FAM124A: variants seen among roughly 807,000 people sequenced by gnomAD.
FAM124A encodes the protein protein FAM124A.
FAM124A carries 23 observed loss-of-function variants against 24.5 expected under a neutral mutation model. That is an observed-to-expected ratio of 0.94 (90% CI 0.68 to 1.33). The LOEUF is 1.33. Ranked by LOEUF, FAM124A falls within the 40% of genes most tolerant of loss-of-function variation. FAM124A has a pLI of 0.00. For synonymous variants in FAM124A, 287 were observed against 314.7 expected (o/e 0.91, Z 0.93); for missense variants, 623 against 722.8 (o/e 0.86, Z 1.58).
chr13:51,253,502 T>A (rs534586673), intron 3 of FAM124A: 2 of 152,322 alleles, frequency 1.3e-5, no homozygotes, highest in South Asian at 4.1e-4. Context: ...GTGAGAAAAA[T>A]TGTCTCTGTG....
In FAM124A at chr13:51,251,507, T is replaced by G; in HGVS notation, c.140T>G (p.Val47Gly). 2.0e-6 allele frequency: 3 copies of G among 1,510,878 alleles called. No individual in the cohort carries two copies. The highest frequency in any genetic ancestry group is 2.7e-6 in the Non-Finnish European group (3 of 1,129,020). 93.6% of individuals were successfully genotyped at this position (1,510,878 alleles called of 1,614,324 possible). The change falls in exon 3 of 4, where the codon GTC (valine) becomes GGC (glycine). Residue 47 changes from valine to glycine, a missense_variant. Physicochemically the swap from Val to Gly is moderately radical, Grantham distance 109. Transcript: ENST00000322475. This position sits in a 1 kb window ranked among gnomAD's most constrained non-coding sequence, Gnocchi z 5.3. Reference protein sequence around the residue: ...SVEEAQDPFLVSIHIIADPGE... With the variant: ...SVEEAQDPFLGSIHIIADPGE... Reference sequence around the variant, plus strand: ...GAAGAGGCGCAGGACCCTTTCCTGGTCAGCATCCACATAATCGCAGACCCA... The same window carrying G: ...GAAGAGGCGCAGGACCCTTTCCTGGGCAGCATCCACATAATCGCAGACCCA...
chr13:51,263,090 A>G (rs766544391), intron 3 of FAM124A, among the ~76,000 whole-genome samples: 4 of 152,178 alleles, frequency 2.6e-5, no homozygotes, highest in Non-Finnish European at 4.4e-5. Context: ...TCACTCTGAC[A>G]TCTCCCTGTG....
In FAM124A at chr13:51,283,076, C is replaced by T. The variant is rs984285561; in HGVS notation, c.*1820C>T. 3 of 151,986 alleles carry T rather than the reference C, an allele frequency of 2.0e-5. No individual in the cohort carries two copies. The highest frequency in any genetic ancestry group is 7.3e-5 in the African/African-American group (3 of 41,370). The allele number at this position is 151,986 out of a possible 1,614,324, so 9.4% of individuals were successfully genotyped here. ...TTTTTATTTGAGACGGGGTCTTGCT[C>T]TGTTGCCCAGGCTGGAGTGCAATGG... On this transcript the variant is annotated 3_prime_UTR_variant, in exon 4 of 4. Coordinates refer to ENST00000322475, the MANE Select transcript of FAM124A (RefSeq NM_001242312.2).
At chr13:51,242,025 A>G (rs1267642746) in intron 2 of FAM124A, among the ~76,000 whole-genome samples, 1 of 152,212 alleles carries the variant, frequency 6.6e-6, no homozygotes, top group Admixed American at 6.5e-5. Flanking sequence ...AGAGGCCTGG[A>G]GTTTCCTGAT....
At chr13:51,231,303 C>T (rs376112621) in intron 1 of FAM124A, 45 bp from the exon 2 acceptor site, 347 of 1,611,066 alleles carry the variant, frequency 2.2e-4, no homozygotes, top group Non-Finnish European at 2.9e-4. Flanking sequence ...TTGAATAAAT[C>T]ATTTGGATAA....
At position 51,277,116 on chromosome 13, in the gene FAM124A, G is replaced by A. The variant is rs182677029; in HGVS notation, c.835-3334G>A. ...AGTGGATGACTGGAAAAAAAAATGCGGTATATATAGCATGGAATACTCCTT... is the reference window on the plus strand; with the variant it reads ...AGTGGATGACTGGAAAAAAAAATGCAGTATATATAGCATGGAATACTCCTT... On this transcript the variant is annotated intron_variant, in intron 3 of 3. Transcript: ENST00000322475. Among the ~76,000 whole-genome samples the A allele has an allele frequency of 2.0e-3, 307 of 152,066 alleles. 1 individual carries two copies. The highest frequency in any genetic ancestry group is 6.5e-3 in the African/African-American group (270 of 41,456).
chr13:51,229,027 A>T (rs957111361), intron 1 of FAM124A, among the ~76,000 whole-genome samples: 1 of 152,216 alleles, frequency 6.6e-6, no homozygotes, highest in Non-Finnish European at 1.5e-5. Flanking sequence ...TGATGGTATC[A>T]AGTGAAAAGA....
At chr13:51,244,028 C>G (rs991088363) in intron 2 of FAM124A, among the ~76,000 whole-genome samples, 27 of 152,304 alleles carry the variant, frequency 1.8e-4, no homozygotes, top group African/African-American at 6.5e-4. Context: ...TTTATTCAAC[C>G]TTATGCAGCT....
chr13:51,228,211 A>G (rs1954336778), intron 1 of FAM124A, among the ~76,000 whole-genome samples: 1 of 152,168 alleles, frequency 6.6e-6, no homozygotes, highest in Non-Finnish European at 1.5e-5. Flanking sequence ...TGTAGTATAT[A>G]TATATATGTA....
At chr13:51,264,313 T>C (rs1954764463) in intron 3 of FAM124A, among the ~76,000 whole-genome samples, 1 of 152,234 alleles carries the variant, frequency 6.6e-6, no homozygotes, top group Admixed American at 6.5e-5. Context: ...CATGTTTCCA[T>C]TATCCTGTAG....
chr13:51,244,769 C>T (rs961260039), intron 2 of FAM124A, among the ~76,000 whole-genome samples: 1 of 152,140 alleles, frequency 6.6e-6, no homozygotes, highest in Non-Finnish European at 1.5e-5. Flanking sequence ...GTCCAGCACC[C>T]GGAAGTCTGT....
rs916222491 is a variant in FAM124A at position 51,258,505 on chromosome 13, T to A, written c.834+6304T>A. On this transcript the variant is annotated intron_variant, in intron 3 of 3. Coordinates refer to ENST00000322475, the MANE Select transcript of FAM124A (RefSeq NM_001242312.2). The surrounding 1 kb of genome is among the most constrained non-coding windows in gnomAD (Gnocchi z 4.2). ...CCTCTTCAGACTCTAATGTCTGGGT[T>A]ATTGGGCAGCCCCTTATGCCAGGCT... 2.0e-5 allele frequency among the ~76,000 whole-genome samples: 3 copies of A among 152,178 alleles called. No homozygotes were observed. Among genetic ancestry groups the A allele is most frequent in the African/African-American group, 7.2e-5 (3 of 41,442 alleles).
chr13:51,262,185 C>T (rs1055092184), intron 3 of FAM124A, among the ~76,000 whole-genome samples: 4 of 152,314 alleles, frequency 2.6e-5, no homozygotes, highest in Non-Finnish European at 4.4e-5. Flanking sequence ...GTCTGTCCTG[C>T]GACCTGCCAG....
In FAM124A at chr13:51,263,999, A is replaced by C. The variant is rs116281969; in HGVS notation, c.834+11798A>C. 1.9e-3 allele frequency among the ~76,000 whole-genome samples: 287 copies of C among 152,352 alleles called. 1 individual carries two copies. The highest frequency in any genetic ancestry group is 6.3e-3 in the African/African-American group (262 of 41,584). ...AATCTCATTAGGTCCTTTTAGGAGAATCATTCAAAATAACAGTAAATGGCC... is the reference window on the plus strand; with the variant it reads ...AATCTCATTAGGTCCTTTTAGGAGACTCATTCAAAATAACAGTAAATGGCC... On this transcript the variant is annotated intron_variant, in intron 3 of 3. Transcript: ENST00000322475.
At chr13:51,273,459 G>T (rs1954857629) in intron 3 of FAM124A, among the ~76,000 whole-genome samples, 1 of 152,178 alleles carries the variant, frequency 6.6e-6, no homozygotes, top group Admixed American at 6.5e-5. Context: ...CTTTTAATGA[G>T]ACAGGGGCTT....
chr13:51,229,873 G>A (rs1377487150), intron 1 of FAM124A, among the ~76,000 whole-genome samples: 2 of 152,178 alleles, frequency 1.3e-5, no homozygotes, highest in Admixed American at 1.3e-4. Flanking sequence ...GCTTCAGAAT[G>A]TTGCTAATCC....
At chr13:51,244,795 C>T (rs976695764) in intron 2 of FAM124A, among the ~76,000 whole-genome samples, 2 of 152,184 alleles carry the variant, frequency 1.3e-5, no homozygotes, top group African/African-American at 4.8e-5. Context: ...GGCAGACTGC[C>T]CTCTTCTTCC....
intron 1 of FAM124A, among the ~76,000 whole-genome samples, chr13:51,229,392 G>A (rs926953024): frequency 2.6e-5 from 4 of 152,170 alleles, no homozygotes; most frequent in Admixed American, 1.3e-4. Flanking sequence ...CTAGAAACGT[G>A]GAGGGACTCA....
intron 2 of FAM124A, among the ~76,000 whole-genome samples, chr13:51,240,115 A>C (rs1489794517): frequency 6.6e-6 from 1 of 152,242 alleles, no homozygotes; most frequent in African/African-American, 2.4e-5. Context: ...TTAACTGCTG[A>C]TGGTATAACA....
Sources: gnomAD v4.1 joint callset for allele counts (sites outside exome capture counted in the v4.1 genomes callset) on GRCh38, gnomAD v4.1.1 for gene constraint, Gnocchi (gnomAD v3.1) non-coding constraint, MANE v1.5 for transcripts, NCBI Gene and HGNC (gene_info 2026-07-23, HGNC 2026-07-21) for gene names.